The following CRYBG3 variants were observed in gnomAD, a reference collection of about 807,000 sequenced individuals.
CRYBG3 encodes the protein crystallin beta-gamma domain containing 3, also known as very large A-kinase anchor protein.
A neutral mutation model predicts 244.2 loss-of-function variants in CRYBG3; 127 were observed. That is an observed-to-expected ratio of 0.52 (90% confidence interval 0.45 to 0.60). The LOEUF (loss-of-function observed/expected upper bound fraction) is 0.60, where lower values mean the gene tolerates loss of function less well. CRYBG3 is among the 20% of genes least tolerant of loss of function. CRYBG3 has a pLI of 0.00. For synonymous variants in CRYBG3, 1,132 were observed against 1,195.8 expected (o/e 0.95, Z 1.10); for missense variants, 3,325 against 3,442.5 (o/e 0.97, Z 0.85).
chr3:97,928,412 A>G (rs1176477590), intron 17 of CRYBG3, among the ~76,000 whole-genome samples: 4 of 151,964 alleles, frequency 2.6e-5, no homozygotes, highest in African/African-American at 9.7e-5. Context: ...TTGAGCAGAG[A>G]GGGTGGGAGG....
intron 1 of CRYBG3, among the ~76,000 whole-genome samples, chr3:97,830,008 T>A (rs1266588171): frequency 1.3e-5 from 2 of 152,154 alleles, no homozygotes; most frequent in African/African-American, 4.8e-5. Context: ...CTTTGGACAA[T>A]ATATATTGAC....
At chr3:97,823,330 T>A (rs1384897347) in intron 1 of CRYBG3, among the ~76,000 whole-genome samples, 3 of 152,148 alleles carry the variant, frequency 2.0e-5, no homozygotes, top group Non-Finnish European at 2.9e-5. Flanking sequence ...TACTTCGGAC[T>A]CAAGATTTCC....
chr3:97,853,282 A>C (rs60198025), intron 2 of CRYBG3, among the ~76,000 whole-genome samples: 4 of 150,680 alleles, frequency 2.7e-5, no homozygotes, highest in East Asian at 2.0e-4. Flanking sequence ...TTCCTGAGTT[A>C]CTTCTCTTAG....
chr3:97,869,767 T>C (rs576347626), intron 3 of CRYBG3, among the ~76,000 whole-genome samples: 1 of 152,240 alleles, frequency 6.6e-6, no homozygotes, highest in Admixed American at 6.5e-5. Context: ...TAAAAATAAA[T>C]GAATATAACT....
chr3:97,922,631 C>T (rs1010943051), intron 17 of CRYBG3, among the ~76,000 whole-genome samples: 2 of 152,184 alleles, frequency 1.3e-5, no homozygotes, highest in Admixed American at 6.5e-5. Flanking sequence ...ATCAAAACCA[C>T]AGTGAGATAC....
chr3:97,896,225 T>C, intron 12 of CRYBG3, 140 bp downstream of exon 12: 2 of 689,776 alleles, frequency 2.9e-6, no homozygotes, highest in South Asian at 7.0e-5. Context: ...TTATGCAACT[T>C]GCCTGTTTTT....
intron 1 of CRYBG3, among the ~76,000 whole-genome samples, chr3:97,832,227 CA>C (rs34688264): frequency 0.02 from 1,649 of 81,766 alleles, 17 homozygotes; most frequent in African/African-American, 0.041. Flanking sequence ...CATGTGGAAC[CA>C]AAAAAAAAAA....
chr3:97,875,374 A>G lies in CRYBG3; in HGVS notation c.4180A>G (p.Lys1394Glu). 7.1e-7 allele frequency: 1 copy of G among 1,414,334 alleles called. No individual in the cohort carries two copies. The highest frequency in any genetic ancestry group is 1.6e-5 in the South Asian group (1 of 61,274). 87.6% of individuals were successfully genotyped at this position (1,414,334 alleles called of 1,614,324 possible). Residue 1394 changes from lysine to glutamate, a missense_variant, in exon 4 of 22, where the codon AAG (lysine) becomes GAG (glutamate). By Grantham distance (56) the Lys-to-Glu change is moderately conservative (BLOSUM62 1). This residue lies in a region of CRYBG3 where 635 missense variants were observed against 771.7 expected (regional missense o/e 0.82). Transcript: ENST00000389622. ...SNLASGTESI[K>E]GGEIVLYQKS... ...CTTAGCTAGTGGCACAGAGTCAATTAAGGGAGGAGAAATTGTTCTCTACCA... is the reference window on the plus strand; with the variant it reads ...CTTAGCTAGTGGCACAGAGTCAATTGAGGGAGGAGAAATTGTTCTCTACCA...
chr3:97,922,111 T>C (rs1429152627), intron 17 of CRYBG3, among the ~76,000 whole-genome samples: 2 of 152,120 alleles, frequency 1.3e-5, no homozygotes, highest in African/African-American at 2.4e-5. Context: ...CAGCTACAAA[T>C]AGAGGGAGAC....
chr3:97,924,468 A>C, intron 17 of CRYBG3: 2 of 437,414 alleles, frequency 4.6e-6, no homozygotes, highest in South Asian at 3.3e-5. Context: ...CTGTAAACTT[A>C]GTAGCTTAAG....
chr3:97,881,694 C>T (rs539117370), intron 7 of CRYBG3, among the ~76,000 whole-genome samples: 45 of 151,652 alleles, frequency 3.0e-4, no homozygotes, highest in Middle Eastern at 3.4e-3. Context: ...CCAGCCTGGG[C>T]GACAGAGTGA....
Position 97,895,995 on chromosome 3 carries a change from G to A in CRYBG3, c.7611G>A (p.Gln2537=). ...ATGAAAAAGAACATTTTAAAGGCCA[G>A]CAGTTTCTGCTTGAAGAAGGAGACT... The part of the protein sequence containing the change: ...VAYEKEHFKG[Q]QFLLEEGDFE... The change falls in exon 12 of 22, where the codon CAG becomes CAA. Residue 2537 remains glutamine (Q), a synonymous_variant. Coordinates refer to ENST00000389622, the MANE Select transcript of CRYBG3 (RefSeq NM_153605.4). 6.2e-7 allele frequency: 1 copy of A among 1,613,398 alleles called. No homozygotes were observed. The highest frequency in any genetic ancestry group is 8.5e-7 in the Non-Finnish European group (1 of 1,179,650).
chr3:97,822,486 C>A, intron 1 of CRYBG3, 131 bp downstream of exon 1: 5 of 843,072 alleles, frequency 5.9e-6, no homozygotes, highest in South Asian at 2.1e-5. Context: ...TGTTCTCCTT[C>A]CTCCATTGCT....
At chr3:97,823,644 T>A (rs569853513) in intron 1 of CRYBG3, among the ~76,000 whole-genome samples, 133 of 152,346 alleles carry the variant, frequency 8.7e-4, no homozygotes, top group African/African-American at 3.0e-3. Context: ...TCATCCAGGG[T>A]GTCAGCTAGT....
At chr3:97,843,084 T>C (rs2038845599) in intron 1 of CRYBG3, 111 bp from the exon 2 acceptor site, 1 of 625,540 alleles carries the variant, frequency 1.6e-6, no homozygotes, top group Non-Finnish European at 2.8e-6. Context: ...GGTGTATCAA[T>C]CTTTGAGCAT....
intron 1 of CRYBG3, among the ~76,000 whole-genome samples, chr3:97,833,545 C>T (rs1003984936): frequency 1.8e-4 from 27 of 152,000 alleles, no homozygotes; most frequent in African/African-American, 6.0e-4. Flanking sequence ...GGGAACATCA[C>T]ACACTAGAGC....
intron 19 of CRYBG3, among the ~76,000 whole-genome samples, chr3:97,939,338 A>G (rs1411188240): frequency 6.6e-6 from 1 of 152,070 alleles, no homozygotes; most frequent in Non-Finnish European, 1.5e-5. Context: ...TTGAAATCCA[A>G]CAAAGGAATT....
In CRYBG3 at chr3:97,866,275, A is replaced by G. The variant is rs1457286635; in HGVS notation, c.647+1628A>G. ...AGAAATTCAATTGGCAATATATATC[A>G]AGAGCCTTAAGTTTGTAGGTTATTT... On this transcript the variant is annotated intron_variant, in intron 3 of 21. Coordinates refer to ENST00000389622, the MANE Select transcript of CRYBG3 (RefSeq NM_153605.4). Among the ~76,000 whole-genome samples, 3 of 152,186 alleles carry G rather than the reference A, an allele frequency of 2.0e-5. No homozygotes were observed. The East Asian group carries it at 5.8e-4, about 29-fold the overall frequency.
chr3:97,867,509 G>A (rs1576532355), intron 3 of CRYBG3, among the ~76,000 whole-genome samples: 2 of 152,148 alleles, frequency 1.3e-5, no homozygotes, highest in Admixed American at 6.5e-5. Flanking sequence ...CTAGAATAGA[G>A]CGTATCCGTA....
Sources: gnomAD v4.1 joint callset for allele counts (sites outside exome capture counted in the v4.1 genomes callset) on GRCh38, gnomAD v4.1.1 for gene constraint, gnomAD v4.1.1 regional missense constraint, MANE v1.5 for transcripts, NCBI Gene and HGNC (gene_info 2026-07-23, HGNC 2026-07-21) for gene names.